GPR149: variants seen among roughly 807,000 people sequenced by gnomAD.
GPR149 encodes the protein probable G protein-coupled receptor 149.
In GPR149, 50 loss-of-function variants were observed where a neutral mutation model predicts 50.2. That is an observed-to-expected ratio of 1.00 (90% CI 0.79 to 1.26). GPR149 has a LOEUF of 1.26. Ranked by LOEUF, GPR149 falls within the 50% of genes most tolerant of loss-of-function variation. The pLI, the probability that GPR149 is intolerant of heterozygous loss-of-function variation, is 0.00. For synonymous variants in GPR149, 405 were observed against 358.2 expected, an observed-to-expected ratio of 1.13 and a Z score of -1.48; for missense variants, 983 against 895.4, an observed-to-expected ratio of 1.10 and a Z score of -1.25.
At chr3:154,423,895 A>G (rs1712224021) in intron 2 of GPR149, among the ~76,000 whole-genome samples, 1 of 151,796 alleles carries the variant, frequency 6.6e-6, no homozygotes, top group Admixed American at 6.6e-5. Context: ...CATGTGCACA[A>G]CGTGCAGATT....
intron 3 of GPR149, among the ~76,000 whole-genome samples, chr3:154,375,900 T>C (rs1347346385): frequency 1.3e-5 from 2 of 152,200 alleles, no homozygotes; most frequent in East Asian, 1.9e-4. Flanking sequence ...AGCTGGAACA[T>C]CCATCTTTCC....
chr3:154,363,019 G>A (rs1244324412), intron 3 of GPR149, among the ~76,000 whole-genome samples: 1 of 152,076 alleles, frequency 6.6e-6, no homozygotes, highest in East Asian at 1.9e-4. Context: ...CTGGGTAGAG[G>A]GTGCAAAGGT....
At chr3:154,370,785 A>G (rs1435702627) in intron 3 of GPR149, among the ~76,000 whole-genome samples, 1 of 152,178 alleles carries the variant, frequency 6.6e-6, no homozygotes. Flanking sequence ...TTACTATCCG[A>G]GGAATCTTAA....
intron 3 of GPR149, among the ~76,000 whole-genome samples, chr3:154,395,454 A>C (rs964762112): frequency 1.4e-5 from 2 of 147,632 alleles, no homozygotes; most frequent in African/African-American, 2.5e-5. Flanking sequence ...ATATAAGTAT[A>C]TATATATATA....
chr3:154,417,579 C>T (rs1415430248), intron 3 of GPR149, among the ~76,000 whole-genome samples: 1 of 151,976 alleles, frequency 6.6e-6, no homozygotes, highest in Admixed American at 6.6e-5. Flanking sequence ...CCATTAGATA[C>T]AAACTGATAA....
intron 3 of GPR149, among the ~76,000 whole-genome samples, chr3:154,366,509 C>A (rs563074388): frequency 5.3e-5 from 8 of 152,304 alleles, no homozygotes; most frequent in African/African-American, 1.9e-4. Flanking sequence ...AGTCTAACAC[C>A]TTTTAAGGTC....
chr3:154,417,467 A>T (rs192658542), intron 3 of GPR149, among the ~76,000 whole-genome samples: 169 of 151,324 alleles, frequency 1.1e-3, no homozygotes, highest in African/African-American at 2.1e-3. Flanking sequence ...AACTTTAATT[A>T]AAAAAAAGCA....
At chr3:154,380,752 A>G (rs1010480968) in intron 3 of GPR149, among the ~76,000 whole-genome samples, 1 of 152,196 alleles carries the variant, frequency 6.6e-6, no homozygotes, top group African/African-American at 2.4e-5. Context: ...ACCACTTGCT[A>G]TTAGACCAGG....
In GPR149 at chr3:154,402,852, A is replaced by G. The variant is rs192093972; in HGVS notation, c.1623+18187T>C. Among the ~76,000 whole-genome samples, 324 of 152,330 alleles carry G rather than the reference A, an allele frequency of 2.1e-3. 1 individual carries two copies. The highest frequency in any genetic ancestry group is 7.1e-3 in the African/African-American group (297 of 41,568). On this transcript the variant is annotated intron_variant, in intron 3 of 3. Transcript: ENST00000389740. ...ATATCTTTATATCCACAGTGCTTCT[A>G]TGAAAAATATTTACTGAATAAACTA...
rs542431237 is a variant in GPR149 at position 154,338,596 on chromosome 3, C to T, written c.1624-325G>A. Among the ~76,000 whole-genome samples, 3 of 152,282 alleles carry T rather than the reference C, an allele frequency of 2.0e-5. No individual in the cohort carries two copies. The South Asian group carries it at 6.2e-4, about 32-fold the overall frequency. On this transcript the variant is annotated intron_variant, in intron 3 of 3. Transcript: ENST00000389740. The stretch of plus-strand genomic sequence containing the variant: ...CAGAATTTGAACATAAAATTGAATG[C>T]ATATTTACAATCTGAAATTACTTTT...
At position 154,335,115 on chromosome 3, in the gene GPR149, C is replaced by A. The variant is rs1193283561; in HGVS notation, c.*2584G>T. 6.6e-6 allele frequency: 1 copy of A among 151,910 alleles called. No homozygotes were observed. Among genetic ancestry groups the A allele is most frequent in the Non-Finnish European group, 1.5e-5 (1 of 67,974 alleles). 9.4% of individuals were successfully genotyped at this position (151,910 alleles called of 1,614,324 possible). On this transcript the variant is annotated 3_prime_UTR_variant, in exon 4 of 4. Coordinates refer to ENST00000389740, the MANE Select transcript of GPR149 (RefSeq NM_001038705.3). Reference sequence around the variant, plus strand: ...CGTGTTTGCAGTTTATAGGAGTCACCACCAGATGGTGATATTTTTATTAGG... The same window carrying A: ...CGTGTTTGCAGTTTATAGGAGTCACAACCAGATGGTGATATTTTTATTAGG...
chr3:154,382,675 A>G (rs1380285427), intron 3 of GPR149, among the ~76,000 whole-genome samples: 5 of 152,214 alleles, frequency 3.3e-5, no homozygotes, highest in African/African-American at 9.6e-5. Flanking sequence ...TCTTATGAGT[A>G]TGAGTATGTT....
In GPR149 at chr3:154,370,346, G is replaced by T. The variant is rs564872125; in HGVS notation, c.1624-32075C>A. ...AAGGGACAAGCAAGATAAGATAAAG[G>T]CTGCAGCCTTAGACATGGCCCTCAG... is the stretch of plus-strand genomic sequence containing the variant. On this transcript the variant is annotated intron_variant, in intron 3 of 3. Transcript: ENST00000389740. 1.8e-4 allele frequency among the ~76,000 whole-genome samples: 28 copies of T among 152,226 alleles called. No homozygotes were observed. The South Asian group carries it at 5.0e-3, about 27-fold the overall frequency.
Position 154,425,286 on chromosome 3 carries a change from C to T in GPR149, c.1174+2230G>A, listed in dbSNP as rs145706229. On this transcript the variant is annotated intron_variant, in intron 2 of 3. Coordinates refer to ENST00000389740, the MANE Select transcript of GPR149 (RefSeq NM_001038705.3). Reference sequence around the variant, plus strand: ...TGTTAGGAAAAAATATTTTCTCTCTCTTGCTTCTGAAGTTCACTGACTGAT... The same window carrying T: ...TGTTAGGAAAAAATATTTTCTCTCTTTTGCTTCTGAAGTTCACTGACTGAT... Among the ~76,000 whole-genome samples, 883 of 152,056 alleles carry T rather than the reference C, an allele frequency of 5.8e-3. 25 individuals are homozygous for T. Among genetic ancestry groups the T allele is most frequent in the Admixed American group, 0.053 (808 of 15,268 alleles).
chr3:154,352,846 CCT>C (rs1261192343), intron 3 of GPR149: 1 of 925,998 alleles, frequency 1.1e-6, no homozygotes, highest in African/African-American at 1.6e-5. Context: ...TCTTAGTTGA[CCT>C]CTTTCTCTTG....
At chr3:154,388,004 C>T (rs929725866) in intron 3 of GPR149, among the ~76,000 whole-genome samples, 1 of 151,888 alleles carries the variant, frequency 6.6e-6, no homozygotes, top group Non-Finnish European at 1.5e-5. Flanking sequence ...TATAACTTGC[C>T]TCAATGTGCA....
At chr3:154,417,123 A>G (rs1054713431) in intron 3 of GPR149, among the ~76,000 whole-genome samples, 1 of 151,972 alleles carries the variant, frequency 6.6e-6, no homozygotes, top group Non-Finnish European at 1.5e-5. Context: ...GAAAATTATC[A>G]TTTCATTTCA....
chr3:154,342,891 T>C (rs1713830336), intron 3 of GPR149, among the ~76,000 whole-genome samples: 2 of 152,246 alleles, frequency 1.3e-5, no homozygotes, highest in Admixed American at 1.3e-4. Context: ...ATTGATCCTA[T>C]GTCTGTGAGT....
At position 154,429,598 on chromosome 3, in the gene GPR149, A is replaced by G. The variant is rs767793520; in HGVS notation, c.18T>C (p.Ser6=). The change falls in exon 1 of 4, where the codon AGT becomes AGC. Residue 6 remains serine, a synonymous_variant. Coordinates refer to ENST00000389740, the MANE Select transcript of GPR149 (RefSeq NM_001038705.3). ...GGCTAGAGTCATTTGTTGATAAGTT[A>G]CTGAGAAATAAAGACATTGTCCTTG... MSLFL[S]NLSTNDSSLW... is the part of the protein sequence containing the mutation. 2.5e-6 allele frequency: 4 copies of G among 1,612,578 alleles called. No individual in the cohort carries two copies. Among genetic ancestry groups the G allele is most frequent in the Non-Finnish European group, 2.5e-6 (3 of 1,178,864 alleles).
Sources: allele counts gnomAD v4.1 joint callset (sites outside exome capture counted in the v4.1 genomes callset), GRCh38; gene constraint gnomAD v4.1.1; transcripts MANE v1.5; gene names NCBI Gene and HGNC (gene_info 2026-07-23, HGNC 2026-07-21).